INPPL1: variants seen among roughly 807,000 people sequenced by gnomAD.
The protein encoded by INPPL1 is phosphatidylinositol 3,4,5-trisphosphate 5-phosphatase 2.
In INPPL1, 91 loss-of-function variants were observed where a neutral mutation model predicts 139.3. That is an observed-to-expected ratio of 0.65 (90% confidence interval 0.55 to 0.78). The LOEUF (loss-of-function observed/expected upper bound fraction) is 0.78. INPPL1 is among the 30% of genes least tolerant of loss of function. The pLI is 0.00. For missense variants in INPPL1, 1,411 were observed against 1,665.6 expected (o/e 0.85, Z 2.66); for synonymous variants, 719 against 686.6 (o/e 1.05, Z -0.74).
In INPPL1 at chr11:72,237,052, C is replaced by G. The variant is rs932812371; in HGVS notation, c.2880-72C>G. The G allele has an allele frequency of 2.5e-5, 35 of 1,395,126 alleles. 1 individual carries two copies. Among genetic ancestry groups the G allele is most frequent in the Admixed American group, 4.4e-5 (2 of 45,398 alleles). 86.4% of individuals were successfully genotyped at this position (1,395,126 alleles called of 1,614,324 possible). A position where few individuals can be genotyped will look rare whatever the true frequency, so the allele number is the denominator to read the frequency against. On this transcript the variant is annotated intron_variant, in intron 25 of 27. Coordinates refer to ENST00000298229, the MANE Select transcript of INPPL1 (RefSeq NM_001567.4). ...GACTTTCTGACTCCCGTCTAGTTCT[C>G]CTTCCACTGCTTCCACTGCCTTAGA...
rs202010794 is a variant in INPPL1 at position 72,234,515 on chromosome 11, C to A, written c.2327-12C>A. The stretch of plus-strand genomic sequence containing the variant: ...GTGGTGCTCAGTTGGGTGTCTCCCA[C>A]CCCCACCCCAGAATACAAGAAGAGC... On this transcript the variant is annotated splice_polypyrimidine_tract_variant and intron_variant, in intron 20 of 27. Transcript: ENST00000298229. This position sits in a 1 kb window ranked among gnomAD's most constrained non-coding sequence, Gnocchi z 4.2. The A allele has an allele frequency of 2.6e-5, 42 of 1,592,252 alleles. 1 individual carries two copies. In the East Asian group the frequency reaches 8.5e-4, roughly 32 times the overall value.
At chr11:72,229,410 C>T (rs1948766603) in intron 5 of INPPL1, 55 bp from the exon 6 acceptor site, 1 of 1,555,556 alleles carries the variant, frequency 6.4e-7, no homozygotes, top group Non-Finnish European at 8.9e-7. Context: ...CCCAGCGCCC[C>T]CTTCCCTATA....
intron 13 of INPPL1, among the ~76,000 whole-genome samples, chr11:72,231,907 A>C (rs1948845149): frequency 6.6e-6 from 1 of 152,156 alleles, no homozygotes; most frequent in Admixed American, 6.5e-5. Context: ...CATTGTGCCC[A>C]GGTCTCCTGA....
rs1385754480 is a variant in INPPL1, at chr11:72,230,133, G to C, written c.952G>C (p.Val318Leu). 6.2e-7 allele frequency: 1 copy of C among 1,609,034 alleles called. No individual in the cohort carries two copies. Among genetic ancestry groups the C allele is most frequent in the Non-Finnish European group, 8.5e-7 (1 of 1,176,224 alleles). The change falls in exon 9 of 28, where the codon GTG becomes CTG. Residue 318 changes from valine to leucine, a missense_variant. By Grantham distance (32) the Val-to-Leu change is conservative. This residue lies in a region of INPPL1 where 504 missense variants were observed against 595.6 expected (regional missense o/e 0.85). Coordinates refer to ENST00000298229, the MANE Select transcript of INPPL1 (RefSeq NM_001567.4). Reference protein sequence around the residue: ...PVQAFEVKLDVTLGDLTKIGK... With the variant: ...PVQAFEVKLDLTLGDLTKIGK... The stretch of plus-strand genomic sequence containing the variant: ...ACCTGGCCTACAGGTGAAGCTAGAT[G>C]TGACCCTGGGTGACCTGACCAAGAT...
rs757866470 is a variant in INPPL1 at position 72,235,730 on chromosome 11, G to A, written c.2715G>A (p.Val905=). 1.9e-6 allele frequency: 3 copies of A among 1,613,992 alleles called. No homozygotes were observed. In the African/African-American group the frequency reaches 4.0e-5, roughly 22 times the overall value. The change falls in exon 24 of 28, where the codon GTG becomes GTA. Residue 905 remains valine, a synonymous_variant. Transcript: ENST00000298229. The surrounding 1 kb of genome is among the most constrained non-coding windows in gnomAD (Gnocchi z 4.9). ...GAGCAAAGAGCAAAGCCCCCTCTGT[G>A]TCCCGAGGGAGCCAGGAGCCCAGGT... ...EAGAKSKAPS[V]SRGSQEPRSG...
chr11:72,236,615 T>C (rs1241075048), intron 25 of INPPL1, among the ~76,000 whole-genome samples: 2 of 152,242 alleles, frequency 1.3e-5, no homozygotes, highest in East Asian at 1.9e-4. Flanking sequence ...TTTCTAATTA[T>C]ATCCGATTGT....
rs1372787079 is a variant in INPPL1, at chr11:72,235,886, C to T, written c.2779C>T (p.Pro927Ser). The T allele has an allele frequency of 1.2e-6, 2 of 1,613,218 alleles. No individual in the cohort carries two copies. Among genetic ancestry groups the T allele is most frequent in the Non-Finnish European group, 1.7e-6 (2 of 1,179,844 alleles). ...GCCAGCCTTCACAGAGGCCTCCTGCCCGCTCTCCAGGTTATTTGAAGAACC... is the reference window on the plus strand; with the variant it reads ...GCCAGCCTTCACAGAGGCCTCCTGCTCGCTCTCCAGGTTATTTGAAGAACC... ...RKPAFTEASC[P>S]LSRLFEEPEK... Residue 927 changes from proline (P) to serine (S), a missense_variant, in exon 25 of 28, where the codon CCG (proline) becomes TCG (serine). Around this residue, in one of 5 missense-constraint regions of INPPL1, gnomAD observed 99 missense variants for 171.6 expected, o/e 0.58. Transcript: ENST00000298229. The surrounding 1 kb of genome is among the most constrained non-coding windows in gnomAD (Gnocchi z 4.9).
At chr11:72,233,577 T>C in intron 18 of INPPL1, 55 bp downstream of exon 18, 1 of 1,606,900 alleles carries the variant, frequency 6.2e-7, no homozygotes. Flanking sequence ...CCATCTGGAC[T>C]CTGCCCTAAC....
rs748321647 is a variant in INPPL1, at chr11:72,231,055, C to G, written c.1363C>G (p.Leu455Val). 1.2e-6 allele frequency: 2 copies of G among 1,614,150 alleles called. No individual in the cohort carries two copies. Among genetic ancestry groups the G allele is most frequent in the Non-Finnish European group, 1.7e-6 (2 of 1,180,038 alleles). ...WFTSKGLGKT[L>V]DEVTVTIPHD... ...CACATCGAAGGGTCTGGGGAAGACC[C>G]TGGACGAGGTCACAGTGACCATACC... Residue 455 changes from leucine to valine, a missense_variant, in exon 12 of 28, where the codon CTG becomes GTG. Coordinates refer to ENST00000298229, the MANE Select transcript of INPPL1 (RefSeq NM_001567.4).
In INPPL1 at chr11:72,235,617, GTGTC is replaced by G; in HGVS notation, c.2660-54_2660-51del. ...GGGAAAGGGCTGGCAGGCCCACTGG[GTGTC>G]TGTGGGATCCAGGAGCCCAGGTCTC... On this transcript the variant is annotated intron_variant, in intron 23 of 27. Coordinates refer to ENST00000298229, the MANE Select transcript of INPPL1 (RefSeq NM_001567.4). The surrounding 1 kb of genome is among the most constrained non-coding windows in gnomAD (Gnocchi z 4.9). 9 of 1,593,764 alleles carry G rather than the reference GTGTC, an allele frequency of 5.6e-6. No individual in the cohort carries two copies. The highest frequency in any genetic ancestry group is 7.7e-6 in the Non-Finnish European group (9 of 1,163,030).
At chr11:72,227,589 C>T (rs943448103) in intron 1 of INPPL1, among the ~76,000 whole-genome samples, 2 of 152,150 alleles carry the variant, frequency 1.3e-5, no homozygotes, top group African/African-American at 2.4e-5. Flanking sequence ...TGCTCAACTG[C>T]GGCTCCTGTC....
chr11:72,235,559 C>T lies in INPPL1; in HGVS notation c.2659+108C>T. ...GGGATACCTGGAGGTTCTGCAGCCA[C>T]AGCTGGGAATAGTCCTGCCCCAAGG... On this transcript the variant is annotated intron_variant, in intron 23 of 27. Coordinates refer to ENST00000298229, the MANE Select transcript of INPPL1 (RefSeq NM_001567.4). This position sits in a 1 kb window ranked among gnomAD's most constrained non-coding sequence, Gnocchi z 4.9. The T allele has an allele frequency of 6.4e-7, 1 of 1,558,910 alleles. No individual in the cohort carries two copies. The highest frequency in any genetic ancestry group is 1.2e-5 in the South Asian group (1 of 85,464).
chr11:72,238,241 C>T, intron 27 of INPPL1, 22 bp from the exon 28 acceptor site: 1 of 1,613,628 alleles, frequency 6.2e-7, no homozygotes, highest in Non-Finnish European at 8.5e-7. Context: ...CATCTCACTT[C>T]CCAGCCTGTT....
rs1257310709 is a variant in INPPL1 at position 72,228,080 on chromosome 11, A to C, written c.183-110A>C. 9.5e-6 allele frequency: 11 copies of C among 1,153,926 alleles called. No homozygotes were observed. Among genetic ancestry groups the C allele is most frequent in the African/African-American group, 9.1e-5 (6 of 66,182 alleles). The allele number at this position is 1,153,926 out of a possible 1,614,324, so 71.5% of individuals were successfully genotyped here. A position where few individuals can be genotyped will look rare whatever the true frequency, so the allele number is the denominator to read the frequency against. ...CAGCCTGGGCAGGTGGTTTTAGGGA[A>C]ACCAAGCTGAGGGGGTTGGGGTGCT... On this transcript the variant is annotated intron_variant, in intron 1 of 27. Coordinates refer to ENST00000298229, the MANE Select transcript of INPPL1 (RefSeq NM_001567.4). This position sits in a 1 kb window ranked among gnomAD's most constrained non-coding sequence, Gnocchi z 5.0.
In INPPL1 at chr11:72,224,925, C is replaced by T; in HGVS notation, c.-60C>T. ...GCCCGGCCCCAGCCTCAGCCCTGAG[C>T]GTCTCGGGGCGGATGGCGCGGGGCG... On this transcript the variant is annotated 5_prime_UTR_variant, in exon 1 of 28. Coordinates refer to ENST00000298229, the MANE Select transcript of INPPL1 (RefSeq NM_001567.4). 2.0e-6 allele frequency: 2 copies of T among 1,010,154 alleles called. No individual in the cohort carries two copies. 62.6% of individuals were successfully genotyped at this position (1,010,154 alleles called of 1,614,324 possible). A position where few individuals can be genotyped will look rare whatever the true frequency, so the allele number is the denominator to read the frequency against.
At position 72,233,697 on chromosome 11, in the gene INPPL1, T is replaced by G; in HGVS notation, c.2165T>G (p.Phe722Cys). ...DIVTSDHSPV[F>C]GTFEVGVTSQ... ...GTCACCAGCGACCATTCCCCCGTGT[T>G]TGGGACATTTGAGGTTGGAGTTACC... The change falls in exon 19 of 28, where the codon TTT (phenylalanine) becomes TGT (cysteine). Residue 722 changes from phenylalanine (F) to cysteine (C), a missense_variant. By Grantham distance (205) the Phe-to-Cys change is radical. Transcript: ENST00000298229. 1.2e-6 allele frequency: 2 copies of G among 1,614,130 alleles called. No homozygotes were observed. The highest frequency in any genetic ancestry group is 1.7e-6 in the Non-Finnish European group (2 of 1,180,018).
rs1948948093 is a variant in INPPL1, at chr11:72,235,111, C to T, written c.2416-5C>T. On this transcript the variant is annotated splice_region_variant and splice_polypyrimidine_tract_variant and intron_variant, in intron 21 of 27. Coordinates refer to ENST00000298229, the MANE Select transcript of INPPL1 (RefSeq NM_001567.4). The surrounding 1 kb of genome is among the most constrained non-coding windows in gnomAD (Gnocchi z 4.9). The stretch of plus-strand genomic sequence containing the variant: ...TGTTCCTCACTGGGCCTCCCTGCTT[C>T]CCAGCTCAAACCAATTCTGGCTGAT... 6.2e-7 allele frequency: 1 copy of T among 1,613,332 alleles called. No homozygotes were observed. Among genetic ancestry groups the T allele is most frequent in the East Asian group, 2.2e-5 (1 of 44,872 alleles).
Position 72,231,188 on chromosome 11 carries a change from C to CG in INPPL1, c.1497+1dup. On this transcript the variant is annotated frameshift_variant and splice_region_variant, in exon 12 of 28. Coordinates refer to ENST00000298229, the MANE Select transcript of INPPL1 (RefSeq NM_001567.4). LOFTEE classifies it high-confidence loss of function. ...GAGCTTACGGATCTGGATTACCGCC[C>CG]GGTGAGGGGGGGTCATCTTGTCCAG... 1 of 1,609,568 alleles carries CG rather than the reference C, an allele frequency of 6.2e-7. No individual in the cohort carries two copies.
Position 72,234,481 on chromosome 11 carries a change from A to G in INPPL1, c.2327-46A>G, listed in dbSNP as rs780207189. On this transcript the variant is annotated intron_variant, in intron 20 of 27. Transcript: ENST00000298229. The surrounding 1 kb of genome is among the most constrained non-coding windows in gnomAD (Gnocchi z 4.2). ...CAGCCCCCTACTTAGGGGGAAAGGA[A>G]GCTGAGAGGTGGTGCTCAGTTGGGT... 6.3e-7 allele frequency: 1 copy of G among 1,592,824 alleles called. No individual in the cohort carries two copies. Among genetic ancestry groups the G allele is most frequent in the East Asian group, 2.2e-5 (1 of 44,718 alleles).
Sources: gnomAD v4.1 joint callset for allele counts (sites outside exome capture counted in the v4.1 genomes callset) on GRCh38, gnomAD v4.1.1 for gene constraint, gnomAD v4.1.1 regional missense constraint, Gnocchi (gnomAD v3.1) non-coding constraint, MANE v1.5 for transcripts, NCBI Gene and HGNC (gene_info 2026-07-23, HGNC 2026-07-21) for gene names.